OSBPL9: variants seen among roughly 807,000 people sequenced by gnomAD.
The protein encoded by OSBPL9 is oxysterol-binding protein-related protein 9.
In OSBPL9, 40 loss-of-function variants were observed where a neutral mutation model predicts 106.6. The observed-to-expected ratio is 0.38, with a 90% CI of 0.29 to 0.49. The LOEUF (loss-of-function observed/expected upper bound fraction) is 0.49. OSBPL9 is among the 20% of genes least tolerant of loss of function. The pLI, the probability that OSBPL9 is intolerant of heterozygous loss-of-function variation, is 0.97. For synonymous variants in OSBPL9, 269 were observed against 295.4 expected, an observed-to-expected ratio of 0.91 and a Z score of 0.92; for missense variants, 609 against 887.2, an observed-to-expected ratio of 0.69 and a Z score of 3.98.
chr1:51,647,802 A>G (rs1283624257), intron 1 of OSBPL9, among the ~76,000 whole-genome samples: 1 of 151,352 alleles, frequency 6.6e-6, no homozygotes, highest in Non-Finnish European at 1.5e-5. Flanking sequence ...TGATTTATCA[A>G]TTTTGTTGAT....
intron 3 of OSBPL9, among the ~76,000 whole-genome samples, chr1:51,680,163 T>TAGAA (rs934300040): frequency 6.6e-6 from 1 of 151,802 alleles, no homozygotes; most frequent in African/African-American, 2.4e-5. Flanking sequence ...CTGAGGCTGG[T>TAGAA]AGAACCACTT....
chr1:51,563,102 C>A, the OSBPL9 span, among the ~76,000 whole-genome samples: 1 of 151,940 alleles, frequency 6.6e-6, no homozygotes, highest in Non-Finnish European at 1.5e-5. Context: ...CCCAGCTACT[C>A]GGGAGGCTGA....
At chr1:51,672,281 T>A (rs1650058794) in intron 3 of OSBPL9, among the ~76,000 whole-genome samples, 1 of 152,196 alleles carries the variant, frequency 6.6e-6, no homozygotes, top group African/African-American at 2.4e-5. Flanking sequence ...GGCTCCCACA[T>A]GGTAGCAGTG....
chr1:51,522,622 C>G, the OSBPL9 span, among the ~76,000 whole-genome samples: 163 of 152,150 alleles, frequency 1.1e-3, 1 homozygote, highest in African/African-American at 3.9e-3. Flanking sequence ...AAAAATGTAG[C>G]CAATCGAATA....
At chr1:51,685,070 A>G (rs1170032626) in intron 3 of OSBPL9, among the ~76,000 whole-genome samples, 1 of 152,126 alleles carries the variant, frequency 6.6e-6, no homozygotes, top group East Asian at 1.9e-4. Flanking sequence ...CTTCTAGAAA[A>G]TACCAGTACT....
At chr1:51,610,439 T>A (rs1430331161) in intron 2 of OSBPL9, among the ~76,000 whole-genome samples, 1 of 152,154 alleles carries the variant, frequency 6.6e-6, no homozygotes, top group East Asian at 1.9e-4. Context: ...TTTGTATTTT[T>A]GGTAGAGACG....
chr1:51,605,102 T>A (rs576270278), intron 2 of OSBPL9, among the ~76,000 whole-genome samples: 10 of 152,344 alleles, frequency 6.6e-5, no homozygotes, highest in African/African-American at 2.4e-4. Context: ...TGACATTTTA[T>A]AGAAAATGTT....
intron 1 of OSBPL9, among the ~76,000 whole-genome samples, chr1:51,597,332 A>T (rs1412109887): frequency 6.6e-6 from 1 of 151,962 alleles, no homozygotes; most frequent in Non-Finnish European, 1.5e-5. Flanking sequence ...ATGTCGGTGT[A>T]TAATCAATCG....
chr1:51,592,108 C>CTTTT (rs34379031), intron 1 of OSBPL9, among the ~76,000 whole-genome samples: 207 of 77,004 alleles, frequency 2.7e-3, no homozygotes, highest in Non-Finnish European at 3.5e-3. Context: ...GTTGCTAAGG[C>CTTTT]TTTTTTTTTT....
the OSBPL9 span, among the ~76,000 whole-genome samples, chr1:51,534,442 C>T: frequency 7.0e-4 from 106 of 152,178 alleles, no homozygotes; most frequent in Non-Finnish European, 1.1e-3. Context: ...TCCAAATGGC[C>T]TTCAACTTCA....
At chr1:51,604,542 T>A (rs1474726775) in intron 2 of OSBPL9, among the ~76,000 whole-genome samples, 1 of 151,152 alleles carries the variant, frequency 6.6e-6, no homozygotes, top group Non-Finnish European at 1.5e-5. Context: ...GGTGACAGAG[T>A]GAGACTCTGT....
chr1:51,677,103 T>TAC (rs1467403805), intron 3 of OSBPL9, among the ~76,000 whole-genome samples: 1 of 152,206 alleles, frequency 6.6e-6, no homozygotes, highest in Non-Finnish European at 1.5e-5. Context: ...CAGGGATTCT[T>TAC]AAAGTGTGGT....
At chr1:51,751,978 T>A (rs1206713193) in intron 8 of OSBPL9, among the ~76,000 whole-genome samples, 1 of 152,220 alleles carries the variant, frequency 6.6e-6, no homozygotes, top group African/African-American at 2.4e-5. Context: ...TTATTGTTGT[T>A]AAGTCTTCTT....
At chr1:51,565,287 G>C in the OSBPL9 span, among the ~76,000 whole-genome samples, 1 of 152,076 alleles carries the variant, frequency 6.6e-6, no homozygotes, top group South Asian at 2.1e-4. Context: ...CTCCTACCAT[G>C]CCCCACCTTG....
intron 1 of OSBPL9, among the ~76,000 whole-genome samples, chr1:51,596,495 G>C (rs1645300326): frequency 6.8e-6 from 1 of 147,430 alleles, no homozygotes; most frequent in Non-Finnish European, 1.5e-5. Flanking sequence ...GGAGGTGGAG[G>C]TTGCAGCGAG....
chr1:51,764,039 T>C (rs1002574527), intron 11 of OSBPL9, among the ~76,000 whole-genome samples: 1 of 152,200 alleles, frequency 6.6e-6, no homozygotes, highest in African/African-American at 2.4e-5. Context: ...TTAGAGTAGA[T>C]TTAAAGAAAA....
chr1:51,703,047 A>T (rs376752966), intron 3 of OSBPL9, among the ~76,000 whole-genome samples: 8 of 152,068 alleles, frequency 5.3e-5, no homozygotes, highest in Non-Finnish European at 1.2e-4. Context: ...TACTGTAGCC[A>T]TGTAGTATAG....
chr1:51,599,839 C>T (rs1376733043), intron 2 of OSBPL9, among the ~76,000 whole-genome samples: 1 of 152,172 alleles, frequency 6.6e-6, no homozygotes, highest in Non-Finnish European at 1.5e-5. Flanking sequence ...ATTTATTTCT[C>T]ACAGTTCTGG....
intron 1 of OSBPL9, among the ~76,000 whole-genome samples, chr1:51,589,065 G>C (rs1035178346): frequency 6.6e-6 from 1 of 151,862 alleles, no homozygotes; most frequent in Admixed American, 6.6e-5. Context: ...GGTCACACAG[G>C]TGTATACATT....
Sources: allele counts gnomAD v4.1 joint callset (sites outside exome capture counted in the v4.1 genomes callset), GRCh38; gene constraint gnomAD v4.1.1; transcripts MANE v1.5; gene names NCBI Gene and HGNC (gene_info 2026-07-23, HGNC 2026-07-21).